DOCK9: variants seen among roughly 807,000 people sequenced by gnomAD.
DOCK9 encodes dedicator of cytokinesis 9.
A neutral mutation model predicts 263.3 loss-of-function variants in DOCK9; 89 were observed. The observed-to-expected ratio is 0.34, with a 90% confidence interval of 0.28 to 0.40. DOCK9 has a LOEUF of 0.40. Among genes scored for constraint, DOCK9 ranks in the 10% least tolerant of loss-of-function variants. The pLI, the probability that DOCK9 is intolerant of heterozygous loss-of-function variation, is 1.00. For synonymous variants in DOCK9, 976 were observed against 973.1 expected (o/e 1.00, Z -0.06); for missense variants, 2,140 against 2,603.4 (o/e 0.82, Z 3.87).
At chr13:98,941,536 A>C (rs2140537803) in intron 2 of DOCK9, among the ~76,000 whole-genome samples, 1 of 152,352 alleles carries the variant, frequency 6.6e-6, no homozygotes, top group South Asian at 2.1e-4. Context: ...CAGAACCCTT[A>C]ATAACTAGTT....
At chr13:98,794,847 A>T in intron 52 of DOCK9, 99 bp from the exon 53 acceptor site, 1 of 1,364,882 alleles carries the variant, frequency 7.3e-7, no homozygotes, top group Non-Finnish European at 1.0e-6. Context: ...GTGTAACAAA[A>T]TGTTACAGAG....
intron 50 of DOCK9, among the ~76,000 whole-genome samples, chr13:98,797,920 A>C (rs1472303228): frequency 2.6e-5 from 4 of 152,214 alleles, no homozygotes; most frequent in African/African-American, 9.7e-5. Context: ...AAATTGAAAA[A>C]TGCAGTAACT....
intron 33 of DOCK9, chr13:98,858,247 C>T (rs1392532110): frequency 6.6e-6 from 1 of 152,144 alleles, no homozygotes; most frequent in Non-Finnish European, 1.5e-5. Context: ...AAGATAAATT[C>T]GTCCCTCTTC....
intron 1 of DOCK9, among the ~76,000 whole-genome samples, chr13:99,053,025 C>T (rs2040772407): frequency 6.6e-6 from 1 of 152,112 alleles, no homozygotes; most frequent in African/African-American, 2.4e-5. Flanking sequence ...GAAGTCTCTC[C>T]CATTACTCCT....
intron 7 of DOCK9, among the ~76,000 whole-genome samples, chr13:98,918,766 C>G (rs1288938444): frequency 1.3e-5 from 2 of 152,174 alleles, no homozygotes; most frequent in African/African-American, 4.8e-5. Context: ...CAGAAAGCTG[C>G]AGAAGATGTG....
intron 45 of DOCK9, among the ~76,000 whole-genome samples, chr13:98,822,384 C>T (rs1213193790): frequency 6.6e-6 from 1 of 152,216 alleles, no homozygotes; most frequent in Non-Finnish European, 1.5e-5. Flanking sequence ...ATGCAAGCTT[C>T]ATTTTATCAG....
intron 10 of DOCK9, among the ~76,000 whole-genome samples, chr13:98,903,584 A>G (rs1183617143): frequency 2.1e-5 from 3 of 143,128 alleles, no homozygotes; most frequent in Non-Finnish European, 4.5e-5. Context: ...TGGGCGACAG[A>G]GCAAGACTCT....
chr13:99,077,347 G>A (rs563357706), intron 1 of DOCK9, among the ~76,000 whole-genome samples: 38 of 152,214 alleles, frequency 2.5e-4, no homozygotes, highest in African/African-American at 8.9e-4. Context: ...TCTCATGATA[G>A]AGTTCTCATG....
chr13:98,930,165 T>C lies in DOCK9; in HGVS notation c.333+3A>G, dbSNP rs376524300. ...TGTAAATTAATGCAGGAAAGAGCCT[T>C]ACCTCTGTAACAAACAAGCTCTGTG... On this transcript the variant is annotated splice_donor_region_variant and intron_variant, in intron 3 of 52. Transcript: ENST00000682017. 355 of 1,607,124 alleles carry C rather than the reference T, an allele frequency of 2.2e-4. No homozygotes were observed. Among genetic ancestry groups the C allele is most frequent in the Non-Finnish European group, 2.9e-4 (345 of 1,176,708 alleles).
intron 48 of DOCK9, 141 bp from the exon 49 acceptor site, chr13:98,805,350 G>T: frequency 1.4e-6 from 1 of 737,646 alleles, no homozygotes; most frequent in Non-Finnish European, 2.2e-6. Flanking sequence ...TCCACCACTT[G>T]GATCAACAAC....
intron 12 of DOCK9, 134 bp downstream of exon 12, chr13:98,902,154 T>C (rs371698579): frequency 9.5e-7 from 1 of 1,055,166 alleles, no homozygotes. Context: ...TACTGTCTAA[T>C]AATAAATACT....
At chr13:98,955,337 AATAATT>A in intron 2 of DOCK9, 92 bp downstream of exon 2, 5 of 783,746 alleles carry the variant, frequency 6.4e-6, no homozygotes, top group Non-Finnish European at 9.5e-6. Context: ...TAATAATAAT[AATAATT>A]AACTAACCAA....
chr13:99,067,965 C>T (rs1419458502), intron 1 of DOCK9, among the ~76,000 whole-genome samples: 4 of 151,920 alleles, frequency 2.6e-5, no homozygotes, highest in African/African-American at 9.7e-5. Context: ...AACTCTCCCC[C>T]ATCAAATAGA....
At chr13:98,904,507 A>G (rs2048790353) in intron 10 of DOCK9, 125 bp downstream of exon 10, 1 of 703,492 alleles carries the variant, frequency 1.4e-6, no homozygotes, top group East Asian at 2.8e-5. Context: ...TTTTCCCCAA[A>G]TTTTCTATAG....
At chr13:99,025,975 C>G (rs1249257233) in intron 1 of DOCK9, among the ~76,000 whole-genome samples, 1 of 151,530 alleles carries the variant, frequency 6.6e-6, no homozygotes, top group Non-Finnish European at 1.5e-5. Context: ...ATGAAATGTC[C>G]AGAACAGGCA....
chr13:98,860,417 T>C lies in DOCK9; in HGVS notation c.3685A>G (p.Ile1229Val), dbSNP rs751796249. The change falls in exon 33 of 53, where the codon ATC becomes GTC. Residue 1229 changes from isoleucine to valine, a missense_variant. Ile to Val is a conservative substitution (Grantham distance 29). This residue lies in a region of DOCK9 where 1,521 missense variants were observed against 1,741.7 expected (regional missense o/e 0.87). Transcript: ENST00000682017. ...NSLHKDLLGA[I>V]SGIASPYTTS... is the part of the protein sequence containing the mutation. ...CATGGAGCGTTACCAATGCCGGAGA[T>C]GGCGCCCAGCAGGTCCTTGTGCAGG... 2 of 1,588,024 alleles carry C rather than the reference T, an allele frequency of 1.3e-6. No individual in the cohort carries two copies. The highest frequency in any genetic ancestry group is 1.2e-5 in the South Asian group (1 of 86,822).
intron 2 of DOCK9, among the ~76,000 whole-genome samples, chr13:98,946,536 C>T (rs1422806118): frequency 1.3e-5 from 2 of 152,156 alleles, no homozygotes; most frequent in African/African-American, 2.4e-5. Context: ...CAGTATTTCT[C>T]CTTCCTCAAC....
chr13:98,838,439 C>A (rs568431292), intron 38 of DOCK9, among the ~76,000 whole-genome samples: 58 of 152,324 alleles, frequency 3.8e-4, no homozygotes, highest in African/African-American at 1.3e-3. Context: ...CAAGAGTTGA[C>A]TGCGCTGTGC....
chr13:98,809,160 A>G (rs1193886877), intron 47 of DOCK9, 192 bp downstream of exon 47: 1 of 1,517,500 alleles, frequency 6.6e-7, no homozygotes, highest in Non-Finnish European at 8.9e-7. Context: ...AGACAGGAAG[A>G]AAGAAAAAAA....
Sources: allele counts gnomAD v4.1 joint callset (sites outside exome capture counted in the v4.1 genomes callset), GRCh38; gene constraint gnomAD v4.1.1; regional missense constraint gnomAD v4.1.1; transcripts MANE v1.5; gene names NCBI Gene and HGNC (gene_info 2026-07-23, HGNC 2026-07-21).